KIR3DL1: variants seen among roughly 807,000 people sequenced by gnomAD.
KIR3DL1 encodes the protein killer cell immunoglobulin-like receptor 3DL1.
Under a neutral mutation model 40.3 loss-of-function variants are expected in KIR3DL1, and 50 were observed. The observed-to-expected ratio is 1.24, with a 90% CI of 0.99 to 1.57. The LOEUF (loss-of-function observed/expected upper bound fraction) is 1.57, where lower values mean the gene tolerates loss of function less well. Ranked by LOEUF, KIR3DL1 falls within the 40% of genes most tolerant of loss-of-function variation. KIR3DL1 has a pLI of 0.00. For missense variants in KIR3DL1, 661 were observed against 559.9 expected (o/e 1.18, Z -1.82); for synonymous variants, 257 against 207.2 (o/e 1.24, Z -2.07).
chr19:54,830,412 G>T, exon 9 of KIR3DL1: 2 of 1,051,768 alleles, frequency 1.9e-6, no homozygotes. Context: ...TCCTCCTCAC[G>T]CCACAAATCT....
intron 3 of KIR3DL1, among the ~76,000 whole-genome samples, chr19:54,819,360 T>C (rs1316895023): frequency 2.7e-5 from 3 of 109,192 alleles, no homozygotes; most frequent in Non-Finnish European, 6.5e-5. Flanking sequence ...TGGGGATTTG[T>C]TCAAAAGAGA....
chr19:54,818,992 C>A (rs1349863161), intron 3 of KIR3DL1, among the ~76,000 whole-genome samples: 2 of 150,772 alleles, frequency 1.3e-5, no homozygotes, highest in Non-Finnish European at 2.9e-5. Flanking sequence ...ACGCTATCAG[C>A]CACTGCGGGC....
At chr19:54,823,058 G>A (rs1438611220) in intron 5 of KIR3DL1, among the ~76,000 whole-genome samples, 1 of 147,796 alleles carries the variant, frequency 6.8e-6, no homozygotes, top group South Asian at 2.2e-4. Flanking sequence ...TTTTGAGAAA[G>A]AGTTTCCCTC....
At chr19:54,822,445 G>T (rs1434317388) in intron 5 of KIR3DL1, among the ~76,000 whole-genome samples, 4 of 150,802 alleles carry the variant, frequency 2.7e-5, no homozygotes, top group Admixed American at 6.6e-5. Flanking sequence ...GCCAACATGT[G>T]GGAAATTCAT....
chr19:54,829,927 G>A lies in KIR3DL1; in HGVS notation c.1106-1G>A, dbSNP rs148234764. On this transcript the variant is annotated splice_acceptor_variant, in intron 7 of 8. Transcript: ENST00000391728. LOFTEE classifies it high-confidence loss of function. ...CTTTTGTTGACTTCCGTCTCCTACA[G>A]ATGCTGCTGTAATGGACCAAGAGCC... The A allele has an allele frequency of 6.6e-7, 1 of 1,525,182 alleles. No homozygotes were observed. Among genetic ancestry groups the A allele is most frequent in the Non-Finnish European group, 8.9e-7 (1 of 1,123,336 alleles). The allele number at this position is 1,525,182 out of a possible 1,614,324, so 94.5% of individuals were successfully genotyped here. A position where few individuals can be genotyped will look rare whatever the true frequency, so the allele number is the denominator to read the frequency against.
At chr19:54,824,945 G>T (rs1157561448) in intron 5 of KIR3DL1, 83 bp from the exon 6 acceptor site, 12 of 994,034 alleles carry the variant, frequency 1.2e-5, no homozygotes, top group Non-Finnish European at 1.7e-5. Flanking sequence ...CAGAGTGTTG[G>T]CCATGAACCA....
chr19:54,829,725 G>A (rs1285477548), intron 7 of KIR3DL1, among the ~76,000 whole-genome samples: 1 of 141,012 alleles, frequency 7.1e-6, no homozygotes, highest in African/African-American at 2.5e-5. Context: ...GCAGAAAGTG[G>A]GAGACAGAAT....
intron 6 of KIR3DL1, 133 bp from the exon 7 acceptor site, chr19:54,829,228 A>T: frequency 1.5e-6 from 1 of 658,726 alleles, no homozygotes; most frequent in Non-Finnish European, 2.5e-6. Flanking sequence ...GGAGGAAGCT[A>T]GATCTCCCGC....
chr19:54,825,295 C>A (rs369992495), intron 6 of KIR3DL1, among the ~76,000 whole-genome samples: 1 of 150,926 alleles, frequency 6.6e-6, no homozygotes, highest in Non-Finnish European at 1.5e-5. Flanking sequence ...AGACCTCCTA[C>A]AAGCTAGAAG....
intron 2 of KIR3DL1, 95 bp from the exon 3 acceptor site, chr19:54,818,220 C>G: frequency 1.4e-6 from 2 of 1,404,454 alleles, no homozygotes; most frequent in Non-Finnish European, 2.0e-6. Flanking sequence ...TGGTAGGAGC[C>G]TTAGAAAGTG....
At chr19:54,819,238 C>T (rs898596561) in intron 3 of KIR3DL1, among the ~76,000 whole-genome samples, 15 of 146,732 alleles carry the variant, frequency 1.0e-4, no homozygotes. Flanking sequence ...GAAACCAACA[C>T]AGGAACCCAG....
At position 54,819,846 on chromosome 19, in the gene KIR3DL1, C is replaced by A. The variant is rs557527515; in HGVS notation, c.489C>A (p.Asp163Glu). 38 of 1,612,118 alleles carry A rather than the reference C, an allele frequency of 2.4e-5. 2 individuals carry two copies. The East Asian group carries it at 5.8e-4, about 25-fold the overall frequency. ...TGCACAAAGAGGGGATCTCTAAGGA[C>A]CCCTCACGCCTCGTTGGACAGATCC... The change falls in exon 4 of 9, where the codon GAC (aspartate) becomes GAA (glutamate). Residue 163 changes from aspartate (D) to glutamate (E), a missense_variant. Asp to Glu is a conservative substitution (Grantham distance 45). This residue lies in a region of KIR3DL1 where 548 missense variants were observed against 413.3 expected (regional missense o/e 1.33). Coordinates refer to ENST00000391728, the Ensembl canonical transcript of KIR3DL1.
In KIR3DL1 at chr19:54,829,047, C is replaced by G. The variant is rs140378924; in HGVS notation, c.1001-314C>G. 9.1e-5 allele frequency among the ~76,000 whole-genome samples: 13 copies of G among 143,254 alleles called. 1 individual carries two copies. In the East Asian group the frequency reaches 1.0e-3, roughly 11 times the overall value. The allele number at this position is 143,254 out of a possible 152,430, so 94.0% of individuals were successfully genotyped here. A position where few individuals can be genotyped will look rare whatever the true frequency, so the allele number is the denominator to read the frequency against. ...CCCGTCTCCTTGGGACAGCATTGAT[C>G]TGTTCATGATGGATCCACCTCCATG... is the stretch of plus-strand genomic sequence containing the variant. On this transcript the variant is annotated intron_variant, in intron 6 of 8. Transcript: ENST00000391728.
At chr19:54,822,767 T>G (rs1176700168) in intron 5 of KIR3DL1, among the ~76,000 whole-genome samples, 5 of 149,018 alleles carry the variant, frequency 3.4e-5, no homozygotes, top group Admixed American at 3.3e-4. Flanking sequence ...AATGGGAATC[T>G]TTGTAATGAC....
chr19:54,819,627 G>A lies in KIR3DL1; in HGVS notation c.356-86G>A, dbSNP rs1017490029. 1.6e-5 allele frequency: 24 copies of A among 1,455,874 alleles called. No individual in the cohort carries two copies. The Admixed American group carries it at 1.7e-4, about 10-fold the overall frequency. 90.2% of individuals were successfully genotyped at this position (1,455,874 alleles called of 1,614,324 possible). ...AGAGAGGGAGGAGAGAGACAGACACGGGGAGGGGAACCCTCACTCATTCCA... is the reference window on the plus strand; with the variant it reads ...AGAGAGGGAGGAGAGAGACAGACACAGGGAGGGGAACCCTCACTCATTCCA... On this transcript the variant is annotated intron_variant, in intron 3 of 8. Transcript: ENST00000391728.
intron 3 of KIR3DL1, 147 bp downstream of exon 3, chr19:54,818,746 G>C (rs2061485915): frequency 3.7e-6 from 4 of 1,083,380 alleles, no homozygotes; most frequent in Non-Finnish European, 5.2e-6. Context: ...TGGGTGCTGT[G>C]GTGGGAAGAA....
intron 6 of KIR3DL1, among the ~76,000 whole-genome samples, chr19:54,827,935 A>G (rs1355297218): frequency 6.7e-6 from 1 of 150,196 alleles, no homozygotes; most frequent in Non-Finnish European, 1.5e-5. Flanking sequence ...GGAAATACAG[A>G]TAGATCATGG....
chr19:54,819,991 C>G (rs754618802), exon 4 of KIR3DL1: 2 of 1,610,728 alleles, frequency 1.2e-6, no homozygotes, highest in Admixed American at 1.7e-5. Flanking sequence ...TCCCAGTGAT[C>G]CCCTGGACAT....
chr19:54,816,550 G>A lies in KIR3DL1; in HGVS notation c.34+16G>A, dbSNP rs1387650610. 1.9e-6 allele frequency: 3 copies of A among 1,608,392 alleles called. No individual in the cohort carries two copies. The highest frequency in any genetic ancestry group is 2.2e-5 in the East Asian group (1 of 44,568). On this transcript the variant is annotated intron_variant, in intron 1 of 8. Coordinates refer to ENST00000391728, the Ensembl canonical transcript of KIR3DL1. ...GCGTGTGTTGGTGAGTCCTGGAAGGGAATCGAGGGAGGGAGTGCGGGGATG... is the reference window on the plus strand; with the variant it reads ...GCGTGTGTTGGTGAGTCCTGGAAGGAAATCGAGGGAGGGAGTGCGGGGATG...
Sources: allele counts gnomAD v4.1 joint callset (sites outside exome capture counted in the v4.1 genomes callset), GRCh38; gene constraint gnomAD v4.1.1; regional missense constraint gnomAD v4.1.1; transcripts MANE v1.5; gene names NCBI Gene and HGNC (gene_info 2026-07-23, HGNC 2026-07-21).